Variants in NUP155 observed in about 807,000 individuals in gnomAD.
NUP155 encodes the protein nucleoporin 155, also known as nuclear pore complex protein Nup155.
Under a neutral mutation model 180.4 loss-of-function variants are expected in NUP155, and 71 were observed. That is an observed-to-expected ratio of 0.39 (90% CI 0.33 to 0.48). The LOEUF (loss-of-function observed/expected upper bound fraction) is 0.48. Ranked by LOEUF, NUP155 falls within the 20% of genes least tolerant of loss-of-function variation. The probability of loss-of-function intolerance (pLI) is 0.91; values close to 1 mark genes in which losing one functional copy is unlikely to be tolerated. For missense variants in NUP155, 1,553 were observed against 1,648.9 expected, an observed-to-expected ratio of 0.94 and a Z score of 1.01; for synonymous variants, 582 against 559.5, an observed-to-expected ratio of 1.04 and a Z score of -0.57.
In NUP155 at chr5:37,301,427, T is replaced by C; in HGVS notation, c.3561+10A>G. 1 of 1,584,870 alleles carries C rather than the reference T, an allele frequency of 6.3e-7. No homozygotes were observed. Among genetic ancestry groups the C allele is most frequent in the Non-Finnish European group, 8.7e-7 (1 of 1,153,452 alleles). ...AACTACTATAAAAATTTCACTTGCT[T>C]TTTTATTACCTTAGTTATGTCCATC... On this transcript the variant is annotated intron_variant, in intron 30 of 34. Coordinates refer to ENST00000231498, the MANE Select transcript of NUP155 (RefSeq NM_153485.3).
In NUP155 at chr5:37,356,594, G is replaced by A. The variant is rs1279793148; in HGVS notation, c.463+1487C>T. ...GCGAGACTGCAGTGAGCACCAAGGT[G>A]GCTAAACTGCACTCTAGCCTGGGCA... On this transcript the variant is annotated intron_variant, in intron 4 of 34. Coordinates refer to ENST00000231498, the MANE Select transcript of NUP155 (RefSeq NM_153485.3). Among the ~76,000 whole-genome samples, 3 of 151,970 alleles carry A rather than the reference G, an allele frequency of 2.0e-5. No homozygotes were observed. In the East Asian group the frequency reaches 5.8e-4, roughly 29 times the overall value.
intron 21 of NUP155, among the ~76,000 whole-genome samples, chr5:37,314,888 T>C (rs181969517): frequency 6.6e-5 from 10 of 152,036 alleles, no homozygotes; most frequent in Admixed American, 6.6e-4. Context: ...GGGTCCTCAG[T>C]AGGGAAGAAA....
chr5:37,328,774 G>C (rs964885297), intron 16 of NUP155, among the ~76,000 whole-genome samples: 6 of 152,126 alleles, frequency 3.9e-5, no homozygotes, highest in African/African-American at 2.4e-5. Flanking sequence ...CAAAGTCCTG[G>C]GATTACAGGT....
chr5:37,350,503 G>T (rs1367584294), intron 6 of NUP155, among the ~76,000 whole-genome samples: 1 of 152,108 alleles, frequency 6.6e-6, no homozygotes, highest in East Asian at 1.9e-4. Flanking sequence ...CATACTGTTA[G>T]ATGAAAAGCC....
Position 37,302,920 on chromosome 5 carries a change from A to G in NUP155, c.3318-12T>C, listed in dbSNP as rs759292907. On this transcript the variant is annotated splice_polypyrimidine_tract_variant and intron_variant, in intron 28 of 34. Transcript: ENST00000231498. ...GTGAAATTTCTGTGCTAGAAGGGAA[A>G]ACGCTTATTTTTAGTTACACAATTT... 6.2e-7 allele frequency: 1 copy of G among 1,613,740 alleles called. No individual in the cohort carries two copies. Among genetic ancestry groups the G allele is most frequent in the Non-Finnish European group, 8.5e-7 (1 of 1,179,854 alleles).
At chr5:37,301,648 AATAATGT>A in intron 29 of NUP155, 98 bp from the exon 30 acceptor site, 1 of 766,448 alleles carries the variant, frequency 1.3e-6, no homozygotes, top group East Asian at 2.6e-5. Context: ...AGTTTGCTAA[AATAATGT>A]ATAAATGAAG....
intron 10 of NUP155, among the ~76,000 whole-genome samples, chr5:37,342,246 C>T (rs1420338639): frequency 6.6e-6 from 1 of 152,014 alleles, no homozygotes; most frequent in Non-Finnish European, 1.5e-5. Context: ...AGGGTTTCAC[C>T]ATGTTGCTCA....
intron 3 of NUP155, among the ~76,000 whole-genome samples, chr5:37,359,010 G>A (rs1164357467): frequency 2.8e-5 from 4 of 145,066 alleles, no homozygotes; most frequent in Non-Finnish European, 6.0e-5. Flanking sequence ...ACGAGACTCC[G>A]TCTCAAAAAA....
intron 16 of NUP155, among the ~76,000 whole-genome samples, chr5:37,328,918 C>A (rs1413383380): frequency 6.6e-6 from 1 of 152,102 alleles, no homozygotes; most frequent in Admixed American, 6.6e-5. Context: ...CACTGATGTG[C>A]GAGTTAATTA....
intron 20 of NUP155, among the ~76,000 whole-genome samples, chr5:37,321,562 CA>C (rs1187290733): frequency 2.0e-5 from 3 of 151,410 alleles, no homozygotes; most frequent in Non-Finnish European, 4.4e-5. Context: ...ACTAAAAATA[CA>C]AAAATTAGCC....
At chr5:37,331,555 CAA>C in intron 14 of NUP155, 128 bp downstream of exon 14, 1 of 466,226 alleles carries the variant, frequency 2.1e-6, no homozygotes, top group Non-Finnish European at 3.7e-6. Flanking sequence ...GCCTGGGCAA[CAA>C]GAGCGAAACT....
At position 37,291,628 on chromosome 5, in the gene NUP155, C is replaced by A; in HGVS notation, c.*272G>T. The A allele has an allele frequency of 3.2e-6, 1 of 314,546 alleles. No individual in the cohort carries two copies. The highest frequency in any genetic ancestry group is 3.7e-5 in the South Asian group (1 of 27,372). The allele number at this position is 314,546 out of a possible 1,614,324, so 19.5% of individuals were successfully genotyped here. ...CGAAATTTCTGCCTGCAGTACAATT[C>A]AAAATAAGAGTTTCTAAATTTTTTT... On this transcript the variant is annotated 3_prime_UTR_variant, in exon 35 of 35. Coordinates refer to ENST00000231498, the MANE Select transcript of NUP155 (RefSeq NM_153485.3).
At chr5:37,318,228 C>A (rs559943054) in intron 20 of NUP155, 143 bp from the exon 21 acceptor site, 2 of 658,330 alleles carry the variant, frequency 3.0e-6, no homozygotes, top group Non-Finnish European at 5.5e-6. Context: ...GGGCTGATGG[C>A]CAGAAAAAAT....
rs749813833 is a variant in NUP155 at position 37,341,220 on chromosome 5, A to T, written c.1116T>A (p.Thr372=). 6.2e-7 allele frequency: 1 copy of T among 1,614,116 alleles called. No individual in the cohort carries two copies. The highest frequency in any genetic ancestry group is 1.3e-5 in the African/African-American group (1 of 75,060). The part of the protein sequence containing the change: ...THAGVRLYFS[T]CPFRQPLARP... ...GTGCTAATGGCTGTCTGAATGGACA[A>T]GTGCTAAAATATAACCTAACACCTG... is the stretch of plus-strand genomic sequence containing the variant. The change falls in exon 11 of 35, where the codon ACT becomes ACA. Residue 372 remains threonine (T), a synonymous_variant. Coordinates refer to ENST00000231498, the MANE Select transcript of NUP155 (RefSeq NM_153485.3).
At chr5:37,329,414 G>A (rs1744815259) in intron 15 of NUP155, 136 bp from the exon 16 acceptor site, 1 of 701,514 alleles carries the variant, frequency 1.4e-6, no homozygotes. Context: ...TGTGCTGACA[G>A]TAAAGTATAT....
rs1430255048 is a variant in NUP155 at position 37,364,171 on chromosome 5, A to T, written c.295+76T>A. 9.3e-6 allele frequency: 12 copies of T among 1,288,242 alleles called. No homozygotes were observed. The South Asian group carries it at 1.1e-4, about 12-fold the overall frequency. The allele number at this position is 1,288,242 out of a possible 1,614,324, so 79.8% of individuals were successfully genotyped here. A position where few individuals can be genotyped will look rare whatever the true frequency, so the allele number is the denominator to read the frequency against. ...AAATGAATATATAACACATTAATTAAACATAGAACAAGAATTATAAGAATG... is the reference window on the plus strand; with the variant it reads ...AAATGAATATATAACACATTAATTATACATAGAACAAGAATTATAAGAATG... On this transcript the variant is annotated intron_variant, in intron 2 of 34. Transcript: ENST00000231498.
At chr5:37,313,220 C>T (rs1231592736) in intron 22 of NUP155, among the ~76,000 whole-genome samples, 1 of 151,720 alleles carries the variant, frequency 6.6e-6, no homozygotes, top group African/African-American at 2.4e-5. Flanking sequence ...TACCTGAGCT[C>T]AGGAGTTCGA....
At chr5:37,293,216 T>C (rs1207767737) in intron 33 of NUP155, 4 of 448,588 alleles carry the variant, frequency 8.9e-6, no homozygotes, top group Non-Finnish European at 1.6e-5. Context: ...ATATTTGATA[T>C]ACCAATCTAC....
chr5:37,353,191 A>G (rs555536135), intron 4 of NUP155, among the ~76,000 whole-genome samples: 3 of 152,304 alleles, frequency 2.0e-5, no homozygotes, highest in East Asian at 1.9e-4. Flanking sequence ...GTTTTTCACA[A>G]TAACTAAAAG....
Sources: gnomAD v4.1 joint callset for allele counts (sites outside exome capture counted in the v4.1 genomes callset) on GRCh38, gnomAD v4.1.1 for gene constraint, MANE v1.5 for transcripts, NCBI Gene and HGNC (gene_info 2026-07-23, HGNC 2026-07-21) for gene names.